The following PRSS16 variants were observed in gnomAD, a reference collection of about 807,000 sequenced individuals.
PRSS16 encodes the protein thymus-specific serine protease.
Under a neutral mutation model 61.7 loss-of-function variants are expected in PRSS16, and 43 were observed. The ratio of observed to expected loss-of-function variants is 0.70; its 90% CI spans 0.55 to 0.90. The LOEUF (loss-of-function observed/expected upper bound fraction) is 0.90, where lower values mean the gene tolerates loss of function less well. Among genes scored for constraint, PRSS16 ranks in the 40% least tolerant of loss-of-function variants. The probability of loss-of-function intolerance (pLI) is 0.00; values close to 1 mark genes in which losing one functional copy is unlikely to be tolerated. For missense variants in PRSS16, 591 were observed against 659.1 expected, an observed-to-expected ratio of 0.90 and a Z score of 1.13; for synonymous variants, 273 against 285.2, an observed-to-expected ratio of 0.96 and a Z score of 0.43.
In PRSS16 at chr6:27,251,617, G is replaced by GGGCGGGGGCCTGGT; in HGVS notation, c.718-133_718-132insGGCGGGGGCCTGGT. The GGGCGGGGGCCTGGT allele has an allele frequency of 2.5e-6, 3 of 1,215,632 alleles. No individual in the cohort carries two copies. The highest frequency in any genetic ancestry group is 2.2e-6 in the Non-Finnish European group (2 of 908,352). 75.3% of individuals were successfully genotyped at this position (1,215,632 alleles called of 1,614,324 possible). On this transcript the variant is annotated intron_variant, in intron 7 of 11. Coordinates refer to ENST00000230582, the MANE Select transcript of PRSS16 (RefSeq NM_005865.4). This position sits in a 1 kb window ranked among gnomAD's most constrained non-coding sequence, Gnocchi z 5.6. ...CGGGGGCCTGGGGGCGGGGGCCTGG[G>GGGCGGGGGCCTGGT]CCAAGAGCTAGGTCTGCACCCTCTG...
chr6:27,249,165 G>A lies in PRSS16; in HGVS notation c.403G>A (p.Gly135Ser). The A allele has an allele frequency of 6.2e-7, 1 of 1,610,266 alleles. No homozygotes were observed. The highest frequency in any genetic ancestry group is 2.2e-5 in the East Asian group (1 of 44,700). Residue 135 changes from glycine to serine, a missense_variant, in exon 4 of 12, where the codon GGC becomes AGC. Coordinates refer to ENST00000230582, the MANE Select transcript of PRSS16 (RefSeq NM_005865.4). The stretch of plus-strand genomic sequence containing the variant: ...GATAAGCCTGGAACACAGATTTTAT[G>A]GCCTGAGTATACCTGCTGGAGGCCT... The part of the protein sequence containing the change: ...LVISLEHRFY[G>S]LSIPAGGLEM...
At chr6:27,248,454 G>A (rs1761267764) in intron 2 of PRSS16, among the ~76,000 whole-genome samples, 1 of 151,950 alleles carries the variant, frequency 6.6e-6, no homozygotes. Context: ...ATCGAAAGAA[G>A]GAACAAATTC....
chr6:27,255,428 C>T lies in PRSS16; in HGVS notation c.*113C>T. 8.9e-7 allele frequency: 1 copy of T among 1,126,802 alleles called. No homozygotes were observed. Among genetic ancestry groups the T allele is most frequent in the Non-Finnish European group, 1.3e-6 (1 of 783,484 alleles). 69.8% of individuals were successfully genotyped at this position (1,126,802 alleles called of 1,614,324 possible). A position where few individuals can be genotyped will look rare whatever the true frequency, so the allele number is the denominator to read the frequency against. On this transcript the variant is annotated 3_prime_UTR_variant, in exon 12 of 12. Coordinates refer to ENST00000230582, the MANE Select transcript of PRSS16 (RefSeq NM_005865.4). This position sits in a 1 kb window ranked among gnomAD's most constrained non-coding sequence, Gnocchi z 4.4. ...GAAGAAACTCCCAGGAATTGGAATTCAGCACCTGTTCCGCACGTAATTGGC... is the reference window on the plus strand; with the variant it reads ...GAAGAAACTCCCAGGAATTGGAATTTAGCACCTGTTCCGCACGTAATTGGC...
chr6:27,255,158 T>G lies in PRSS16; in HGVS notation c.1476+27T>G, dbSNP rs770938242. 8 of 1,613,936 alleles carry G rather than the reference T, an allele frequency of 5.0e-6. No homozygotes were observed. Among genetic ancestry groups the G allele is most frequent in the Non-Finnish European group, 8.5e-7 (1 of 1,179,984 alleles). The stretch of plus-strand genomic sequence containing the variant: ...TAAGAGAAAAAAGGCTCTGAATCAT[T>G]TGCATTCTCATTTGAATAATCACTT... On this transcript the variant is annotated intron_variant, in intron 11 of 11. Coordinates refer to ENST00000230582, the MANE Select transcript of PRSS16 (RefSeq NM_005865.4). This position sits in a 1 kb window ranked among gnomAD's most constrained non-coding sequence, Gnocchi z 4.4.
In PRSS16 at chr6:27,251,131, G is replaced by A; in HGVS notation, c.669+12G>A. 5 of 1,614,072 alleles carry A rather than the reference G, an allele frequency of 3.1e-6. No individual in the cohort carries two copies. The highest frequency in any genetic ancestry group is 4.2e-6 in the Non-Finnish European group (5 of 1,180,044). On this transcript the variant is annotated intron_variant, in intron 6 of 11. Transcript: ENST00000230582. The surrounding 1 kb of genome is among the most constrained non-coding windows in gnomAD (Gnocchi z 5.6). ...CCGAGTATAATGACGTAAGGATGGC[G>A]GGCAGCAGGTGCGGGACGGGGAGGG...
chr6:27,254,932 C>T, intron 10 of PRSS16, 54 bp from the exon 11 acceptor site: 4 of 1,611,726 alleles, frequency 2.5e-6, no homozygotes, highest in Non-Finnish European at 3.4e-6. Flanking sequence ...TCAACATAGC[C>T]TCATCCTCTC....
At position 27,251,902 on chromosome 6, in the gene PRSS16, A is replaced by T. The variant is rs1309859866; in HGVS notation, c.870A>T (p.Ala290=). The T allele has an allele frequency of 6.2e-7, 1 of 1,613,106 alleles. No homozygotes were observed. The highest frequency in any genetic ancestry group is 2.2e-5 in the East Asian group (1 of 44,826). Reference sequence around the variant, plus strand: ...CGGAGCTGTTGGGGGCGCTGCAGGCACTGGTGGGAGGTGTAGTGCAGTATG... The same window carrying T: ...CGGAGCTGTTGGGGGCGCTGCAGGCTCTGGTGGGAGGTGTAGTGCAGTATG... ...NQAELLGALQ[A]LVGGVVQYDG... The change falls in exon 8 of 12, where the codon GCA becomes GCT. Residue 290 remains alanine, a synonymous_variant. Transcript: ENST00000230582. The surrounding 1 kb of genome is among the most constrained non-coding windows in gnomAD (Gnocchi z 5.6).
rs1256513651 is a variant in PRSS16, at chr6:27,255,974, G to A, written c.*659G>A. 6.6e-6 allele frequency: 1 copy of A among 152,142 alleles called. No individual in the cohort carries two copies. Among genetic ancestry groups the A allele is most frequent in the Non-Finnish European group, 1.5e-5 (1 of 68,510 alleles). The allele number at this position is 152,142 out of a possible 1,614,324, so 9.4% of individuals were successfully genotyped here. On this transcript the variant is annotated 3_prime_UTR_variant, in exon 12 of 12. Transcript: ENST00000230582. This position sits in a 1 kb window ranked among gnomAD's most constrained non-coding sequence, Gnocchi z 4.4. ...TCTGACTCTCATTTTTGGTCTCTGT[G>A]TGTCTCCTAGTCACTTTCTTTCTCA...
Position 27,252,943 on chromosome 6 carries a change from G to A in PRSS16, c.1144G>A (p.Gly382Ser), listed in dbSNP as rs749022210. 1.7e-5 allele frequency: 28 copies of A among 1,614,012 alleles called. No individual in the cohort carries two copies. In the South Asian group the frequency reaches 1.9e-4, roughly 11 times the overall value. ...GTTGTATCAGACATGTACCGAGTTC[G>A]GCTTCTGTAAGTGACTGGCCTAACC... ...QWLYQTCTEF[G>S]FYVTCENPRC... is the part of the protein sequence containing the mutation. The change falls in exon 9 of 12, where the codon GGC (glycine) becomes AGC (serine). Residue 382 changes from glycine (G) to serine (S), a missense_variant. Transcript: ENST00000230582. The surrounding 1 kb of genome is among the most constrained non-coding windows in gnomAD (Gnocchi z 4.2).
Position 27,248,002 on chromosome 6 carries a change from A to G in PRSS16, c.191A>G (p.Gln64Arg), listed in dbSNP as rs1761259122. ...CTCCCAAAAGTGGGGTGGCTGGAGC[A>G]ACTGCTGGACCCCTTCAACGTGTCC... is the stretch of plus-strand genomic sequence containing the variant. ...AALPKVGWLE[Q>R]LLDPFNVSDR... Residue 64 changes from glutamine to arginine, a missense_variant, in exon 2 of 12, where the codon CAA becomes CGA. Transcript: ENST00000230582. The G allele has an allele frequency of 6.2e-7, 1 of 1,613,780 alleles. No homozygotes were observed. Among genetic ancestry groups the G allele is most frequent in the Non-Finnish European group, 8.5e-7 (1 of 1,179,880 alleles).
In PRSS16 at chr6:27,251,872, C is replaced by G; in HGVS notation, c.840C>G (p.Asn280Lys). The G allele has an allele frequency of 6.2e-7, 1 of 1,613,362 alleles. No homozygotes were observed. Among genetic ancestry groups the G allele is most frequent in the Non-Finnish European group, 8.5e-7 (1 of 1,179,788 alleles). Residue 280 changes from asparagine to lysine, a missense_variant, in exon 8 of 12, where the codon AAC (asparagine) becomes AAG (lysine). Transcript: ENST00000230582. This position sits in a 1 kb window ranked among gnomAD's most constrained non-coding sequence, Gnocchi z 5.6. The part of the protein sequence containing the change: ...SACGPLGRAE[N>K]QAELLGALQA... ...GCGGGCCCCTGGGCCGCGCTGAAAA[C>G]CAGGCGGAGCTGTTGGGGGCGCTGC...
chr6:27,251,360 T>C lies in PRSS16; in HGVS notation c.717+96T>C, dbSNP rs1251898039. The C allele has an allele frequency of 2.8e-6, 4 of 1,436,236 alleles. No homozygotes were observed. The African/African-American group carries it at 5.7e-5, about 21-fold the overall frequency. The allele number at this position is 1,436,236 out of a possible 1,614,324, so 89.0% of individuals were successfully genotyped here. A position where few individuals can be genotyped will look rare whatever the true frequency, so the allele number is the denominator to read the frequency against. Reference sequence around the variant, plus strand: ...CCAGAGAAGGGCGAAACCTGCAACGTGGCGGGGTCTAAGGAAGGTCGGAGC... The same window carrying C: ...CCAGAGAAGGGCGAAACCTGCAACGCGGCGGGGTCTAAGGAAGGTCGGAGC... On this transcript the variant is annotated intron_variant, in intron 7 of 11. Transcript: ENST00000230582. This position sits in a 1 kb window ranked among gnomAD's most constrained non-coding sequence, Gnocchi z 5.6.
Position 27,251,140 on chromosome 6 carries a change from G to C in PRSS16, c.669+21G>C, listed in dbSNP as rs1264392927. ...ATGACGTAAGGATGGCGGGCAGCAG[G>C]TGCGGGACGGGGAGGGGTCCCAGCG... On this transcript the variant is annotated intron_variant, in intron 6 of 11. Coordinates refer to ENST00000230582, the MANE Select transcript of PRSS16 (RefSeq NM_005865.4). The surrounding 1 kb of genome is among the most constrained non-coding windows in gnomAD (Gnocchi z 5.6). 1 of 1,613,988 alleles carries C rather than the reference G, an allele frequency of 6.2e-7. No individual in the cohort carries two copies. The highest frequency in any genetic ancestry group is 8.5e-7 in the Non-Finnish European group (1 of 1,180,058).
At chr6:27,249,028 C>A in intron 3 of PRSS16, 72 bp from the exon 4 acceptor site, 3 of 1,512,180 alleles carry the variant, frequency 2.0e-6, no homozygotes, top group Non-Finnish European at 2.7e-6. Context: ...TGCTGTGAGA[C>A]CTGAGGAGTG....
In PRSS16 at chr6:27,255,350, T is replaced by C. The variant is rs1411234503; in HGVS notation, c.*35T>C. ...CCTTTCCACTCCCTGCATGGTCACC[T>C]CAGTCCTGGACATACTTGTTCACTG... On this transcript the variant is annotated 3_prime_UTR_variant, in exon 12 of 12. Coordinates refer to ENST00000230582, the MANE Select transcript of PRSS16 (RefSeq NM_005865.4). The surrounding 1 kb of genome is among the most constrained non-coding windows in gnomAD (Gnocchi z 4.4). 1.3e-6 allele frequency: 2 copies of C among 1,563,416 alleles called. No homozygotes were observed.
rs1428625404 is a variant in PRSS16 at position 27,255,635 on chromosome 6, TC to T, written c.*322del. On this transcript the variant is annotated 3_prime_UTR_variant, in exon 12 of 12. Coordinates refer to ENST00000230582, the MANE Select transcript of PRSS16 (RefSeq NM_005865.4). This position sits in a 1 kb window ranked among gnomAD's most constrained non-coding sequence, Gnocchi z 4.4. ...CAGATTCTGGTTCAAATTCTGCCAC[TC>T]CAGCTCCTGGGTTAGGGGCTTTGCT... The T allele has an allele frequency of 7.2e-6, 2 of 278,932 alleles. No individual in the cohort carries two copies. The highest frequency in any genetic ancestry group is 4.5e-5 in the African/African-American group (2 of 44,556). The allele number at this position is 278,932 out of a possible 1,614,324, so 17.3% of individuals were successfully genotyped here. A position where few individuals can be genotyped will look rare whatever the true frequency, so the allele number is the denominator to read the frequency against.
At position 27,255,596 on chromosome 6, in the gene PRSS16, C is replaced by T; in HGVS notation, c.*281C>T. 1 of 332,132 alleles carries T rather than the reference C, an allele frequency of 3.0e-6. No homozygotes were observed. The highest frequency in any genetic ancestry group is 5.7e-6 in the Non-Finnish European group (1 of 175,548). 20.6% of individuals were successfully genotyped at this position (332,132 alleles called of 1,614,324 possible). On this transcript the variant is annotated 3_prime_UTR_variant, in exon 12 of 12. Transcript: ENST00000230582. This position sits in a 1 kb window ranked among gnomAD's most constrained non-coding sequence, Gnocchi z 4.4. Reference sequence around the variant, plus strand: ...AACAAATGTGACTTATGCTGGTGCCCTCGCCCTGCTGATCAGATTCTGGTT... The same window carrying T: ...AACAAATGTGACTTATGCTGGTGCCTTCGCCCTGCTGATCAGATTCTGGTT...
rs1186612154 is a variant in PRSS16 at position 27,251,688 on chromosome 6, T to C, written c.718-62T>C. On this transcript the variant is annotated intron_variant, in intron 7 of 11. Coordinates refer to ENST00000230582, the MANE Select transcript of PRSS16 (RefSeq NM_005865.4). The surrounding 1 kb of genome is among the most constrained non-coding windows in gnomAD (Gnocchi z 5.6). The stretch of plus-strand genomic sequence containing the variant: ...GGGAACCCAAGGAGGACGCAGGTCC[T>C]GGGTAGGGAAAGCCGAGGCCCAGCC... 2 of 1,536,962 alleles carry C rather than the reference T, an allele frequency of 1.3e-6. No individual in the cohort carries two copies. The highest frequency in any genetic ancestry group is 4.3e-5 in the Admixed American group (2 of 46,708).
chr6:27,254,685 C>T lies in PRSS16; in HGVS notation c.1151-8C>T. 2.5e-6 allele frequency: 4 copies of T among 1,606,606 alleles called. No homozygotes were observed. Among genetic ancestry groups the T allele is most frequent in the Non-Finnish European group, 3.4e-6 (4 of 1,173,390 alleles). On this transcript the variant is annotated splice_polypyrimidine_tract_variant and splice_region_variant and intron_variant, in intron 9 of 11. Coordinates refer to ENST00000230582, the MANE Select transcript of PRSS16 (RefSeq NM_005865.4). ...TATACCCACACTTACAGGTATCTCCCTACACAGATGTCACCTGTGAGAATC... is the reference window on the plus strand; with the variant it reads ...TATACCCACACTTACAGGTATCTCCTTACACAGATGTCACCTGTGAGAATC...
Sources: allele counts gnomAD v4.1 joint callset (sites outside exome capture counted in the v4.1 genomes callset), GRCh38; gene constraint gnomAD v4.1.1; non-coding constraint Gnocchi (gnomAD v3.1); transcripts MANE v1.5; gene names NCBI Gene and HGNC (gene_info 2026-07-23, HGNC 2026-07-21).